CEP152: variants seen among roughly 807,000 people sequenced by gnomAD.
CEP152 encodes centrosomal protein 152, also known as centrosomal protein of 152 kDa.
A neutral mutation model predicts 188.9 loss-of-function variants in CEP152; 132 were observed. The observed-to-expected ratio is 0.70, with a 90% confidence interval of 0.61 to 0.81. The LOEUF (loss-of-function observed/expected upper bound fraction) is 0.81, where lower values mean the gene tolerates loss of function less well. Ranked by LOEUF, CEP152 falls within the 30% of genes least tolerant of loss-of-function variation. The probability of loss-of-function intolerance (pLI) is 0.00; values close to 1 mark genes in which losing one functional copy is unlikely to be tolerated. For synonymous variants in CEP152, 649 were observed against 666.6 expected, an observed-to-expected ratio of 0.97 and a Z score of 0.41; for missense variants, 1,914 against 1,969.8, an observed-to-expected ratio of 0.97 and a Z score of 0.54.
intron 20 of CEP152, among the ~76,000 whole-genome samples, chr15:48,754,555 A>G (rs1894118666): frequency 6.6e-6 from 1 of 152,144 alleles, no homozygotes; most frequent in Non-Finnish European, 1.5e-5. Flanking sequence ...GTGAAGCAGT[A>G]TTCATGGGAA....
chr15:48,738,464 G>C lies in CEP152; in HGVS notation c.4918C>G (p.Leu1640Val). ...TCCAAATACGTGGTTTCTTCTGACA[G>C]GTATGGAGTTTGATAACGCTGACAT... The part of the protein sequence containing the change: ...MKCQRYQTPY[L>V]SEETTYLEPG... Residue 1640 changes from leucine to valine, a missense_variant, in exon 27 of 27, where the codon CTG becomes GTG. By Grantham distance (32) the Leu-to-Val change is conservative (BLOSUM62 1). Coordinates refer to ENST00000380950, the MANE Select transcript of CEP152 (RefSeq NM_001194998.2). 6.2e-7 allele frequency: 1 copy of C among 1,614,186 alleles called. No homozygotes were observed. The highest frequency in any genetic ancestry group is 8.5e-7 in the Non-Finnish European group (1 of 1,180,016).
chr15:48,795,915 A>C, intron 6 of CEP152, 95 bp downstream of exon 6: 1 of 1,193,352 alleles, frequency 8.4e-7, no homozygotes, highest in South Asian at 1.3e-5. Flanking sequence ...CATACTTAAA[A>C]AATAATAATT....
intron 24 of CEP152, among the ~76,000 whole-genome samples, chr15:48,742,542 G>A (rs1395612915): frequency 6.6e-6 from 1 of 152,166 alleles, no homozygotes; most frequent in Non-Finnish European, 1.5e-5. Flanking sequence ...GGCAGTATGA[G>A]CTGGAGAGAC....
Position 48,739,012 on chromosome 15 carries a change from G to C in CEP152, c.4370C>G (p.Pro1457Arg). The change falls in exon 27 of 27, where the codon CCA becomes CGA. Residue 1457 changes from proline (P) to arginine (R), a missense_variant. Coordinates refer to ENST00000380950, the MANE Select transcript of CEP152 (RefSeq NM_001194998.2). ...DGSCKHLNSLPRNVSPEFVPC... is the reference protein window; with the variant it reads ...DGSCKHLNSLRRNVSPEFVPC... ...AACAAACTCAGGAGAAACATTCCTT[G>C]GCAAACTGTTTAGGTGCTTGCAACT... The C allele has an allele frequency of 6.2e-7, 1 of 1,614,058 alleles. No homozygotes were observed. The highest frequency in any genetic ancestry group is 8.5e-7 in the Non-Finnish European group (1 of 1,179,990).
In CEP152 at chr15:48,755,970, C is replaced by CA. The variant is rs764433464; in HGVS notation, c.3277dup (p.Cys1093LeufsTer18). 3.0e-5 allele frequency: 48 copies of CA among 1,613,928 alleles called. No individual in the cohort carries two copies. The highest frequency in any genetic ancestry group is 4.1e-5 in the Non-Finnish European group (48 of 1,179,986). ...TGTATCTTGAAATGCTTTCTGTATG[C>CA]AGCCCTTTAGTTTTTCAAAATATTG... On this transcript the variant is annotated frameshift_variant, in exon 20 of 27. Transcript: ENST00000380950. LOFTEE classifies it high-confidence loss of function.
At chr15:48,772,366 C>T (rs1895602562) in intron 13 of CEP152, 121 bp downstream of exon 13, 5 of 811,298 alleles carry the variant, frequency 6.2e-6, no homozygotes, top group Non-Finnish European at 1.0e-5. Flanking sequence ...AGCCATGTTT[C>T]CACCACTGCC....
Position 48,788,937 on chromosome 15 carries a change from A to C in CEP152, c.1037T>G (p.Leu346Arg), listed in dbSNP as rs1315199942. The change falls in exon 9 of 27, where the codon CTT (leucine) becomes CGT (arginine). Residue 346 changes from leucine to arginine, a missense_variant. Physicochemically the swap from Leu to Arg is moderately radical, Grantham distance 102. Coordinates refer to ENST00000380950, the MANE Select transcript of CEP152 (RefSeq NM_001194998.2). Reference protein sequence around the residue: ...LESLKQQLVDLHHSESLQRAR... With the variant: ...LESLKQQLVDRHHSESLQRAR... ...TCGTTGAAGTGATTCAGAATGATGA[A>C]GGTCCACCAGCTGCTGCTTCAAGCT... is the stretch of plus-strand genomic sequence containing the variant. The C allele has an allele frequency of 6.2e-7, 1 of 1,614,166 alleles. No homozygotes were observed.
chr15:48,797,256 CGT>C (rs758396094), intron 5 of CEP152, 43 bp downstream of exon 5: 1 of 1,590,086 alleles, frequency 6.3e-7, no homozygotes, highest in Non-Finnish European at 8.6e-7. Context: ...CACGCAAATG[CGT>C]GTGCACACAC....
intron 19 of CEP152, among the ~76,000 whole-genome samples, chr15:48,758,778 A>C (rs1375005034): frequency 1.3e-5 from 2 of 151,356 alleles, no homozygotes; most frequent in Non-Finnish European, 2.9e-5. Context: ...CTATATCATT[A>C]TCTCTAGGAG....
chr15:48,808,086 A>G (rs546223863), intron 1 of CEP152, among the ~76,000 whole-genome samples: 1 of 152,254 alleles, frequency 6.6e-6, no homozygotes, highest in Admixed American at 6.5e-5. Context: ...TTTCAGACAT[A>G]AAGGGAAACC....
Position 48,741,691 on chromosome 15 carries a change from TC to T in CEP152, c.4002del (p.Ile1335LeufsTer2). 1.2e-6 allele frequency: 2 copies of T among 1,614,116 alleles called. No homozygotes were observed. The highest frequency in any genetic ancestry group is 1.7e-6 in the Non-Finnish European group (2 of 1,180,022). On this transcript the variant is annotated frameshift_variant, in exon 26 of 27. Coordinates refer to ENST00000380950, the MANE Select transcript of CEP152 (RefSeq NM_001194998.2). LOFTEE classifies it high-confidence loss of function. ...QDDGKEGAEK[K>X]IMNAASKLAT... ...GCAAGTTTGCTAGCAGCATTCATAATCTTTTTCTCAGCCCTGTGGGGAATTC... is the reference window on the plus strand; with the variant it reads ...GCAAGTTTGCTAGCAGCATTCATAATTTTTTCTCAGCCCTGTGGGGAATTC...
Position 48,791,376 on chromosome 15 carries a change from T to C in CEP152, c.833A>G (p.Asp278Gly), listed in dbSNP as rs1896978854. 7.4e-6 allele frequency: 12 copies of C among 1,611,112 alleles called. No individual in the cohort carries two copies. Among genetic ancestry groups the C allele is most frequent in the Non-Finnish European group, 1.0e-5 (12 of 1,179,146 alleles). Residue 278 changes from aspartate (D) to glycine (G), a missense_variant and splice_region_variant, in exon 8 of 27, where the codon GAT (aspartate) becomes GGT (glycine). Transcript: ENST00000380950. Reference protein sequence around the residue: ...YLNHQLVIIKDEKDGLTLSLR... With the variant: ...YLNHQLVIIKGEKDGLTLSLR... ...GCTGAGAGTCAAACCATCCTTTTCATCTACGGTATTAAAAATGTTTATATA... is the reference window on the plus strand; with the variant it reads ...GCTGAGAGTCAAACCATCCTTTTCACCTACGGTATTAAAAATGTTTATATA...
At chr15:48,806,090 C>CT (rs1897968806) in intron 1 of CEP152, among the ~76,000 whole-genome samples, 1 of 151,984 alleles carries the variant, frequency 6.6e-6, no homozygotes, top group Admixed American at 6.6e-5. Context: ...AAATATCATG[C>CT]TTTACAAGAA....
chr15:48,777,203 C>A (rs1167847235), intron 12 of CEP152, among the ~76,000 whole-genome samples: 1 of 151,664 alleles, frequency 6.6e-6, no homozygotes, highest in Non-Finnish European at 1.5e-5. Flanking sequence ...GTAAATAAAC[C>A]CTGGATGTTA....
intron 12 of CEP152, among the ~76,000 whole-genome samples, chr15:48,776,715 T>A (rs1351263689): frequency 1.3e-5 from 2 of 152,130 alleles, no homozygotes; most frequent in Non-Finnish European, 2.9e-5. Flanking sequence ...AATGACATTA[T>A]AAAGAAATAT....
chr15:48,768,533 T>C (rs936758143), intron 14 of CEP152, among the ~76,000 whole-genome samples: 3 of 152,240 alleles, frequency 2.0e-5, no homozygotes, highest in African/African-American at 7.2e-5. Context: ...AGTAGTTTTC[T>C]GACAGGACTA....
chr15:48,749,045 A>T (rs1314920226), intron 21 of CEP152, among the ~76,000 whole-genome samples: 9 of 152,112 alleles, frequency 5.9e-5, no homozygotes, highest in Admixed American at 3.9e-4. Context: ...TGTCACAAGG[A>T]CATAGGAGCC....
intron 20 of CEP152, among the ~76,000 whole-genome samples, chr15:48,754,651 G>A (rs1894128796): frequency 6.6e-6 from 1 of 152,084 alleles, no homozygotes. Context: ...TATCAACTGG[G>A]GTGAAGTAGG....
In CEP152 at chr15:48,762,507, G is replaced by A; in HGVS notation, c.2446C>T (p.Gln816Ter). 8 of 1,613,988 alleles carry A rather than the reference G, an allele frequency of 5.0e-6. No homozygotes were observed. The highest frequency in any genetic ancestry group is 6.8e-6 in the Non-Finnish European group (8 of 1,179,970). Residue 816 changes from glutamine (Q) to a stop codon, truncating the protein, a stop_gained, in exon 18 of 27, where the codon CAG becomes TAG. Coordinates refer to ENST00000380950, the MANE Select transcript of CEP152 (RefSeq NM_001194998.2). LOFTEE classifies it high-confidence loss of function. ...AAGTTTTGCTGGATTGTGCACTTCT[G>A]CTCTTCTATCATAATTGCCATCTCT... ...KKEMAIMIEE[Q>*]KCTIQQNLEQ...
Sources: allele counts gnomAD v4.1 joint callset (sites outside exome capture counted in the v4.1 genomes callset), GRCh38; gene constraint gnomAD v4.1.1; transcripts MANE v1.5; gene names NCBI Gene and HGNC (gene_info 2026-07-23, HGNC 2026-07-21).